PCDH7: variants seen among roughly 807,000 people sequenced by gnomAD.
PCDH7 encodes the protein protocadherin-7.
In PCDH7, 17 loss-of-function variants were observed where a neutral mutation model predicts 58.9. That is an observed-to-expected ratio of 0.29 (90% CI 0.20 to 0.43). PCDH7 has a LOEUF of 0.43. Among genes scored for constraint, PCDH7 ranks in the 20% least tolerant of loss-of-function variants. The probability of loss-of-function intolerance (pLI) is 1.00; values close to 1 mark genes in which losing one functional copy is unlikely to be tolerated. For missense variants in PCDH7, 1,274 were observed against 1,441.0 expected, an observed-to-expected ratio of 0.88 and a Z score of 1.88; for synonymous variants, 664 against 616.4, an observed-to-expected ratio of 1.08 and a Z score of -1.14.
chr4:30,851,793 T>C (rs1373484894), intron 1 of PCDH7, among the ~76,000 whole-genome samples: 2 of 152,062 alleles, frequency 1.3e-5, no homozygotes, highest in Non-Finnish European at 2.9e-5. Flanking sequence ...GAAAATATAT[T>C]GTCAAGATGG....
At chr4:30,960,618 TA>T (rs1748322740) in intron 3 of PCDH7, among the ~76,000 whole-genome samples, 1 of 152,196 alleles carries the variant, frequency 6.6e-6, no homozygotes, top group Non-Finnish European at 1.5e-5. Flanking sequence ...GATTAAAAAT[TA>T]AGTGAGAGCT....
chr4:30,739,937 A>G (rs374951153), intron 1 of PCDH7, among the ~76,000 whole-genome samples: 7 of 152,234 alleles, frequency 4.6e-5, no homozygotes, highest in African/African-American at 1.7e-4. Flanking sequence ...AAATACATAA[A>G]TAGCTAAACT....
At chr4:30,911,216 G>A (rs1741707020) in intron 1 of PCDH7, among the ~76,000 whole-genome samples, 1 of 151,756 alleles carries the variant, frequency 6.6e-6, no homozygotes, top group South Asian at 2.1e-4. Flanking sequence ...GTAGGTGATG[G>A]GTTGATGGGT....
chr4:31,131,161 G>C (rs1316449844), intron 3 of PCDH7, among the ~76,000 whole-genome samples: 2 of 152,104 alleles, frequency 1.3e-5, no homozygotes, highest in Non-Finnish European at 2.9e-5. Context: ...TGGCATGAGG[G>C]GATCTCCAGA....
intron 3 of PCDH7, among the ~76,000 whole-genome samples, chr4:31,116,050 A>T (rs1716946443): frequency 6.6e-6 from 1 of 152,190 alleles, no homozygotes; most frequent in South Asian, 2.1e-4. Flanking sequence ...CCCTGTCTAT[A>T]TGCAGGTTAA....
chr4:30,724,459 A>G (rs1216957435), exon 1 of PCDH7: 1 of 1,614,038 alleles, frequency 6.2e-7, no homozygotes, highest in Non-Finnish European at 8.5e-7. Flanking sequence ...CCAGTCACCA[A>G]CTGCAGGAAA....
At chr4:30,734,236 C>CT (rs201383285), downstream of PCDH7, among the ~76,000 whole-genome samples, 1,300 of 144,122 alleles carry the variant, frequency 9.0e-3, 7 homozygotes, top group African/African-American at 0.019. Flanking sequence ...AATTTTCTAT[C>CT]TTTTTTTTTT....
intron 1 of PCDH7, chr4:30,725,036 T>C: frequency 9.9e-7 from 1 of 1,005,836 alleles, no homozygotes; most frequent in East Asian, 1.1e-4. Flanking sequence ...TTGGATTCCA[T>C]AGAAGTTTTA....
chr4:30,902,425 G>A (rs10026764), intron 1 of PCDH7, among the ~76,000 whole-genome samples: 5,526 of 152,122 alleles, frequency 0.036, 333 homozygotes, highest in African/African-American at 0.13. Context: ...TAAAAATGCC[G>A]ACACTATCTT....
chr4:30,966,623 T>G (rs1187048583), intron 3 of PCDH7, among the ~76,000 whole-genome samples: 1 of 152,084 alleles, frequency 6.6e-6, no homozygotes, highest in African/African-American at 2.4e-5. Flanking sequence ...TAAGCAGGGA[T>G]GTGTTTAGTT....
At chr4:30,785,924 A>C (rs913965027) in intron 1 of PCDH7, among the ~76,000 whole-genome samples, 1 of 152,038 alleles carries the variant, frequency 6.6e-6, no homozygotes, top group Admixed American at 6.6e-5. Context: ...TTGTACCACC[A>C]TCGAATTGGA....
intron 3 of PCDH7, among the ~76,000 whole-genome samples, chr4:31,043,728 A>G (rs1756069110): frequency 6.6e-6 from 1 of 152,080 alleles, no homozygotes; most frequent in Non-Finnish European, 1.5e-5. Flanking sequence ...AATTTCTCCC[A>G]TTGTGTAGAT....
At chr4:31,021,844 T>C (rs1754045105) in intron 3 of PCDH7, among the ~76,000 whole-genome samples, 1 of 152,062 alleles carries the variant, frequency 6.6e-6, no homozygotes, top group South Asian at 2.1e-4. Flanking sequence ...TGAGTTGCTA[T>C]GACAGAAGAA....
At chr4:30,891,167 A>T (rs1490543564) in intron 1 of PCDH7, among the ~76,000 whole-genome samples, 2 of 152,124 alleles carry the variant, frequency 1.3e-5, no homozygotes, top group Admixed American at 1.3e-4. Context: ...AGTCATTAAA[A>T]TAGTTAATTG....
intron 1 of PCDH7, among the ~76,000 whole-genome samples, chr4:30,839,185 A>G (rs1263119844): frequency 6.6e-6 from 1 of 152,004 alleles, no homozygotes; most frequent in Non-Finnish European, 1.5e-5. Flanking sequence ...CTCTCTCTAT[A>G]TATATGTGTG....
At chr4:31,066,359 T>C (rs1758091468) in intron 3 of PCDH7, among the ~76,000 whole-genome samples, 1 of 151,854 alleles carries the variant, frequency 6.6e-6, no homozygotes, top group Admixed American at 6.6e-5. Context: ...TAAGGATAAA[T>C]ATATTAAGTC....
intron 2 of PCDH7, among the ~76,000 whole-genome samples, chr4:30,946,337 T>A (rs954404631): frequency 6.6e-6 from 1 of 152,102 alleles, no homozygotes; most frequent in African/African-American, 2.4e-5. Flanking sequence ...TATATTAACA[T>A]ATTGCATATT....
chr4:31,117,172 G>A (rs1249901957), intron 3 of PCDH7, among the ~76,000 whole-genome samples: 1 of 152,042 alleles, frequency 6.6e-6, no homozygotes, highest in Non-Finnish European at 1.5e-5. Context: ...ATGAGCCACC[G>A]CTCCCGGCCT....
chr4:31,066,810 C>T (rs1243850327), intron 3 of PCDH7, among the ~76,000 whole-genome samples: 2 of 152,016 alleles, frequency 1.3e-5, no homozygotes, highest in African/African-American at 4.8e-5. Context: ...TTTCCTTTAA[C>T]TCTCCACCTC....
Sources: allele counts gnomAD v4.1 joint callset (sites outside exome capture counted in the v4.1 genomes callset), GRCh38; gene constraint gnomAD v4.1.1; transcripts MANE v1.5; gene names NCBI Gene and HGNC (gene_info 2026-07-23, HGNC 2026-07-21).